Variants in JPH3 observed in about 807,000 individuals in gnomAD.
JPH3 encodes junctophilin-3.
JPH3 carries 11 observed loss-of-function variants against 59.6 expected under a neutral mutation model. That is an observed-to-expected ratio of 0.18 (90% confidence interval 0.12 to 0.31). The LOEUF is 0.31. JPH3 is among the 10% of genes least tolerant of loss of function. The pLI is 1.00. For missense variants in JPH3, 1,202 were observed against 1,105.7 expected (o/e 1.09, Z -1.24); for synonymous variants, 673 against 483.6 (o/e 1.39, Z -5.14).
At chr16:87,621,158 C>T (rs1348848786) in intron 1 of JPH3, among the ~76,000 whole-genome samples, 1 of 127,034 alleles carries the variant, frequency 7.9e-6, no homozygotes, top group Non-Finnish European at 1.7e-5. Flanking sequence ...GACTCTGTCT[C>T]AAAAGGAAAA....
chr16:87,686,746 C>T (rs1436781362), intron 3 of JPH3, among the ~76,000 whole-genome samples: 2 of 152,178 alleles, frequency 1.3e-5, no homozygotes, highest in Admixed American at 6.5e-5. Context: ...GGGCTCAGGT[C>T]CCTGCAGGAG....
intron 2 of JPH3, among the ~76,000 whole-genome samples, chr16:87,656,755 C>T (rs1037776556): frequency 6.6e-6 from 1 of 152,200 alleles, no homozygotes; most frequent in African/African-American, 2.4e-5. Context: ...CCGCCTTTCT[C>T]CTCTGCCTTG....
At chr16:87,632,892 C>CA (rs59476481) in intron 1 of JPH3, among the ~76,000 whole-genome samples, 7,231 of 128,632 alleles carry the variant, frequency 0.056, 473 homozygotes, top group African/African-American at 0.17. Context: ...GACTCTGTCT[C>CA]AAAAAAAAAA....
chr16:87,668,035 G>T (rs1396337784), intron 2 of JPH3, among the ~76,000 whole-genome samples: 1 of 152,154 alleles, frequency 6.6e-6, no homozygotes, highest in African/African-American at 2.4e-5. Context: ...TGGCTTCGTC[G>T]ATCTGGCTGG....
intron 2 of JPH3, among the ~76,000 whole-genome samples, chr16:87,682,843 C>T (rs879420761): frequency 2.6e-5 from 4 of 152,344 alleles, no homozygotes; most frequent in South Asian, 2.1e-4. Flanking sequence ...CAGGCCCCCC[C>T]GGGGGCCAGC....
intron 2 of JPH3, among the ~76,000 whole-genome samples, chr16:87,657,934 G>T (rs2150856474): frequency 6.6e-6 from 1 of 152,306 alleles, no homozygotes; most frequent in South Asian, 2.1e-4. Flanking sequence ...GGCTGCCAGG[G>T]GATGGACAGC....
chr16:87,695,385 C>T (rs905778937), intron 4 of JPH3: 26 of 456,012 alleles, frequency 5.7e-5, no homozygotes, highest in African/African-American at 5.2e-4. Flanking sequence ...ATCCTGGGAC[C>T]TTCAGGACAA....
chr16:87,613,783 G>T (rs190038821), intron 1 of JPH3, among the ~76,000 whole-genome samples: 1 of 152,154 alleles, frequency 6.6e-6, no homozygotes, highest in Admixed American at 6.5e-5. Flanking sequence ...CATCTATTTT[G>T]TTCCAAGTAT....
chr16:87,607,782 G>A (rs1331660935), intron 1 of JPH3, among the ~76,000 whole-genome samples: 1 of 152,250 alleles, frequency 6.6e-6, no homozygotes, highest in African/African-American at 2.4e-5. Flanking sequence ...AGGTTAGAAG[G>A]AATCAGGTTC....
chr16:87,648,865 T>C (rs1470910505), intron 2 of JPH3, among the ~76,000 whole-genome samples: 5 of 152,156 alleles, frequency 3.3e-5, no homozygotes, highest in Non-Finnish European at 7.4e-5. Context: ...TCATCATGTC[T>C]AGGTGGGGGC....
chr16:87,624,280 C>G (rs543088740), intron 1 of JPH3, among the ~76,000 whole-genome samples: 64 of 152,352 alleles, frequency 4.2e-4, no homozygotes, highest in Middle Eastern at 3.4e-3. Context: ...TTTTCATCGT[C>G]TCAAGAAGAA....
intron 2 of JPH3, among the ~76,000 whole-genome samples, chr16:87,669,387 T>C (rs1284244672): frequency 6.6e-6 from 1 of 152,192 alleles, no homozygotes; most frequent in South Asian, 2.1e-4. Context: ...ATCTTTAGGC[T>C]AAAAGCCTAG....
chr16:87,653,029 G>A (rs1340553902), intron 2 of JPH3, among the ~76,000 whole-genome samples: 1 of 152,140 alleles, frequency 6.6e-6, no homozygotes, highest in African/African-American at 2.4e-5. Context: ...CCTGGTTGCT[G>A]AGGAGGGCAG....
At chr16:87,691,948 T>C (rs919370811) in intron 4 of JPH3, among the ~76,000 whole-genome samples, 2 of 152,064 alleles carry the variant, frequency 1.3e-5, no homozygotes, top group Admixed American at 6.6e-5. Flanking sequence ...ACTGACACTT[T>C]TGGGTGCTTT....
intron 2 of JPH3, among the ~76,000 whole-genome samples, chr16:87,680,647 C>T (rs1003553649): frequency 4.6e-5 from 7 of 152,024 alleles, no homozygotes; most frequent in African/African-American, 1.7e-4. Context: ...GCCTGTGCCA[C>T]CGTGGCCTGA....
chr16:87,654,990 T>C (rs2032446619), intron 2 of JPH3: 1 of 152,236 alleles, frequency 6.6e-6, no homozygotes, highest in African/African-American at 2.4e-5. Context: ...CTCCTCTTTG[T>C]TGCAGTCCCC....
At chr16:87,646,709 T>C (rs2032165576) in intron 2 of JPH3, among the ~76,000 whole-genome samples, 1 of 152,152 alleles carries the variant, frequency 6.6e-6, no homozygotes, top group Non-Finnish European at 1.5e-5. Flanking sequence ...AGAAGCAGTT[T>C]TGGGGGCTGG....
intron 2 of JPH3, among the ~76,000 whole-genome samples, chr16:87,647,540 G>T (rs1446227688): frequency 2.6e-5 from 4 of 152,202 alleles, no homozygotes; most frequent in Admixed American, 2.0e-4. Context: ...TTCTGCACTG[G>T]CGGAGTCCGA....
intron 2 of JPH3, among the ~76,000 whole-genome samples, chr16:87,653,088 C>A (rs780487990): frequency 1.2e-4 from 18 of 152,214 alleles, no homozygotes; most frequent in Non-Finnish European, 2.2e-4. Flanking sequence ...CTAGAATTCT[C>A]ACCCAGGCCT....
Sources: allele counts gnomAD v4.1 joint callset (sites outside exome capture counted in the v4.1 genomes callset), GRCh38; gene constraint gnomAD v4.1.1; transcripts MANE v1.5; gene names NCBI Gene and HGNC (gene_info 2026-07-23, HGNC 2026-07-21).